GTF2IRD1: variants seen among roughly 807,000 people sequenced by gnomAD.
GTF2IRD1 encodes general transcription factor II-I repeat domain-containing protein 1.
GTF2IRD1 carries 26 observed loss-of-function variants against 113.2 expected under a neutral mutation model. The observed-to-expected ratio is 0.23, with a 90% CI of 0.17 to 0.32. The LOEUF (loss-of-function observed/expected upper bound fraction) is 0.32, where lower values mean the gene tolerates loss of function less well. Ranked by LOEUF, GTF2IRD1 falls within the 10% of genes least tolerant of loss-of-function variation. GTF2IRD1 has a pLI of 1.00. For missense variants in GTF2IRD1, 864 were observed against 1,280.8 expected (o/e 0.67, Z 4.97); for synonymous variants, 484 against 529.1 (o/e 0.91, Z 1.17).
intron 24 of GTF2IRD1, among the ~76,000 whole-genome samples, chr7:74,591,572 G>A (rs1221130380): frequency 6.6e-6 from 1 of 151,794 alleles, no homozygotes; most frequent in Non-Finnish European, 1.5e-5. Flanking sequence ...TAGAGATGGA[G>A]TTTCACCATG....
At chr7:74,547,357 A>G in intron 17 of GTF2IRD1, 71 bp downstream of exon 17, 1 of 1,248,794 alleles carries the variant, frequency 8.0e-7, no homozygotes, top group Non-Finnish European at 1.1e-6. Flanking sequence ...AGCAGCACCA[A>G]ATTGCCATCA....
At chr7:74,533,952 CCAGGAGTT>C (rs1338557431) in intron 9 of GTF2IRD1, among the ~76,000 whole-genome samples, 12 of 151,850 alleles carry the variant, frequency 7.9e-5, no homozygotes, top group African/African-American at 2.9e-4. Flanking sequence ...TCGCTTGAAC[CCAGGAGTT>C]CAAGTCTGCA....
At chr7:74,484,364 C>T (rs1159515438) in intron 1 of GTF2IRD1, among the ~76,000 whole-genome samples, 1 of 152,068 alleles carries the variant, frequency 6.6e-6, no homozygotes, top group East Asian at 1.9e-4. Flanking sequence ...TCACTGCAAC[C>T]TCTACCTCCC....
intron 22 of GTF2IRD1, among the ~76,000 whole-genome samples, chr7:74,560,689 A>G (rs1434824358): frequency 6.6e-6 from 1 of 151,824 alleles, no homozygotes; most frequent in Admixed American, 6.6e-5. Context: ...GGTTCAAGCT[A>G]TTCTGCCTCA....
At chr7:74,516,791 C>G (rs1345419658) in intron 4 of GTF2IRD1, among the ~76,000 whole-genome samples, 1 of 152,094 alleles carries the variant, frequency 6.6e-6, no homozygotes, top group Non-Finnish European at 1.5e-5. Flanking sequence ...CTTGCCCTGG[C>G]CCCCCTTGTC....
At chr7:74,480,957 A>G (rs1342758856) in intron 1 of GTF2IRD1, among the ~76,000 whole-genome samples, 1 of 152,044 alleles carries the variant, frequency 6.6e-6, no homozygotes, top group Admixed American at 6.5e-5. Flanking sequence ...TCGCATGGCC[A>G]GGCCTCAGAT....
Position 74,519,615 on chromosome 7 carries a change from A to G in GTF2IRD1, c.812A>G (p.Lys271Arg). 6.2e-7 allele frequency: 1 copy of G among 1,612,586 alleles called. No homozygotes were observed. Among genetic ancestry groups the G allele is most frequent in the Non-Finnish European group, 8.5e-7 (1 of 1,179,656 alleles). ...ALPNHAIREL[K>R]QEAPSCPLAP... ...CCCAACCACGCCATCCGAGAGCTCA[A>G]GCAGGAAGCACCTTCCTGCCCCCTT... Residue 271 changes from lysine (K) to arginine (R), a missense_variant, in exon 6 of 27, where the codon AAG (lysine) becomes AGG (arginine). This residue lies in a region of GTF2IRD1 where 195 missense variants were observed against 196.6 expected (regional missense o/e 0.99). Coordinates refer to ENST00000424337, the MANE Select transcript of GTF2IRD1 (RefSeq NM_005685.4).
At chr7:74,563,260 C>A (rs1410637904) in intron 22 of GTF2IRD1, among the ~76,000 whole-genome samples, 1 of 152,096 alleles carries the variant, frequency 6.6e-6, no homozygotes, top group Non-Finnish European at 1.5e-5. Flanking sequence ...GCTTCGGGAA[C>A]TTTCCAGGGG....
At chr7:74,498,475 CT>C (rs1795848280) in intron 1 of GTF2IRD1, among the ~76,000 whole-genome samples, 1 of 152,148 alleles carries the variant, frequency 6.6e-6, no homozygotes, top group African/African-American at 2.4e-5. Context: ...AACCAAGCTT[CT>C]TCCCTTGCTT....
intron 9 of GTF2IRD1, among the ~76,000 whole-genome samples, chr7:74,530,424 C>T (rs1281151189): frequency 6.6e-6 from 1 of 151,284 alleles, no homozygotes; most frequent in Non-Finnish European, 1.5e-5. Context: ...GTGGCCTATT[C>T]CTTCTGGGCC....
At chr7:74,496,402 T>A (rs1554337940) in intron 1 of GTF2IRD1, among the ~76,000 whole-genome samples, 1 of 146,748 alleles carries the variant, frequency 6.8e-6, no homozygotes, top group Admixed American at 6.8e-5. Context: ...TGTGGGTGTG[T>A]GTGCATGTGG....
intron 17 of GTF2IRD1, among the ~76,000 whole-genome samples, chr7:74,547,784 A>C: frequency 7.7e-6 from 1 of 130,340 alleles, no homozygotes; most frequent in Admixed American, 8.5e-5. Flanking sequence ...TTTTGACAGC[A>C]AGGTGTTAGA....
At chr7:74,491,311 C>CT (rs1178298791) in intron 1 of GTF2IRD1, among the ~76,000 whole-genome samples, 13,180 of 95,522 alleles carry the variant, frequency 0.14, 1,026 homozygotes, top group African/African-American at 0.23. Flanking sequence ...AAAAAAAATT[C>CT]TTTTTTTTTT....
intron 5 of GTF2IRD1, among the ~76,000 whole-genome samples, chr7:74,518,529 T>C (rs782655986): frequency 6.6e-6 from 1 of 152,128 alleles, no homozygotes; most frequent in Non-Finnish European, 1.5e-5. Context: ...AGCCTTGAAG[T>C]CTTCCCAGGG....
intron 1 of GTF2IRD1, among the ~76,000 whole-genome samples, chr7:74,473,393 G>A (rs1794218434): frequency 6.6e-6 from 1 of 151,914 alleles, no homozygotes. Flanking sequence ...CTTCTGTGAG[G>A]TTGGGCGTGG....
At chr7:74,543,872 C>CAAAAAA (rs782039486) in intron 14 of GTF2IRD1, among the ~76,000 whole-genome samples, 10 of 34,554 alleles carry the variant, frequency 2.9e-4, no homozygotes, top group African/African-American at 4.8e-4. Context: ...CCCATCTCTA[C>CAAAAAA]AAAAAAAAAA....
intron 23 of GTF2IRD1, among the ~76,000 whole-genome samples, chr7:74,590,356 C>T (rs1801983982): frequency 6.6e-6 from 1 of 151,730 alleles, no homozygotes; most frequent in African/African-American, 2.4e-5. Flanking sequence ...GCCAGGATTA[C>T]AGGTGTGAGC....
intron 22 of GTF2IRD1, among the ~76,000 whole-genome samples, chr7:74,582,915 A>G (rs1384418876): frequency 1.3e-5 from 2 of 152,072 alleles, no homozygotes; most frequent in Non-Finnish European, 2.9e-5. Context: ...TGGGTGTGGT[A>G]GCCCACACCT....
chr7:74,568,337 TAAAAAAA>T (rs782743930), intron 22 of GTF2IRD1, among the ~76,000 whole-genome samples: 1 of 91,982 alleles, frequency 1.1e-5, no homozygotes, highest in Non-Finnish European at 1.9e-5. Flanking sequence ...CATCTCTATT[TAAAAAAA>T]AAAAAAAAAA....
Sources: allele counts gnomAD v4.1 joint callset (sites outside exome capture counted in the v4.1 genomes callset), GRCh38; gene constraint gnomAD v4.1.1; regional missense constraint gnomAD v4.1.1; transcripts MANE v1.5; gene names NCBI Gene and HGNC (gene_info 2026-07-23, HGNC 2026-07-21).